GRIN3B: variants seen among roughly 807,000 people sequenced by gnomAD.
GRIN3B encodes glutamate ionotropic receptor NMDA type subunit 3B.
In GRIN3B, 77 loss-of-function variants were observed where a neutral mutation model predicts 66.0. The ratio of observed to expected loss-of-function variants is 1.17; its 90% CI spans 0.97 to 1.41. The LOEUF (loss-of-function observed/expected upper bound fraction) is 1.41. GRIN3B is among the 40% of genes most tolerant of loss of function. The probability of loss-of-function intolerance (pLI) is 0.00; values close to 1 mark genes in which losing one functional copy is unlikely to be tolerated. For synonymous variants in GRIN3B, 823 were observed against 749.7 expected (o/e 1.10, Z -1.60); for missense variants, 1,787 against 1,564.5 (o/e 1.14, Z -2.40).
rs1394508440 is a variant in GRIN3B, at chr19:1,004,935, C to T, written c.1434C>T (p.Gly478=). Reference sequence around the variant, plus strand: ...GTGCCCTGCGCAAGTGCTGCTACGGCTACTGCATTGACCTGCTGGAGCGGC... The same window carrying T: ...GTGCCCTGCGCAAGTGCTGCTACGGTTACTGCATTGACCTGCTGGAGCGGC... The part of the protein sequence containing the change: ...APRALRKCCY[G]YCIDLLERLA... Residue 478 remains glycine (G), a synonymous_variant, in exon 3 of 9, where the codon GGC becomes GGT. Coordinates refer to ENST00000234389, the MANE Select transcript of GRIN3B (RefSeq NM_138690.3). The T allele has an allele frequency of 6.2e-7, 1 of 1,612,204 alleles. No homozygotes were observed. Among genetic ancestry groups the T allele is most frequent in the Non-Finnish European group, 8.5e-7 (1 of 1,179,590 alleles).
chr19:1,000,859 C>A lies in GRIN3B; in HGVS notation c.422C>A (p.Ala141Asp). The change falls in exon 1 of 9, where the codon GCC (alanine) becomes GAC (aspartate). Residue 141 changes from alanine to aspartate, a missense_variant. Physicochemically the swap from Ala to Asp is moderately radical, Grantham distance 126. Coordinates refer to ENST00000234389, the MANE Select transcript of GRIN3B (RefSeq NM_138690.3). ...CGGGAGGCGCGCGCGCCCCTCGGAG[C>A]CCCGGTACGCGGGACGCCCGGAGTC... ...LRREARAPLG[A>D]PNPFHLQLHW... 7.1e-7 allele frequency: 1 copy of A among 1,411,588 alleles called. No individual in the cohort carries two copies. Among genetic ancestry groups the A allele is most frequent in the Non-Finnish European group, 9.2e-7 (1 of 1,087,350 alleles). The allele number at this position is 1,411,588 out of a possible 1,614,324, so 87.4% of individuals were successfully genotyped here.
chr19:1,003,746 TAGG>T (rs1319385564), intron 2 of GRIN3B, 24 bp downstream of exon 2: 9 of 1,376,730 alleles, frequency 6.5e-6, no homozygotes, highest in Admixed American at 3.5e-5. Flanking sequence ...CTGCTTCCCT[TAGG>T]AGGGTGTCCA....
In GRIN3B at chr19:1,004,530, C is replaced by A; in HGVS notation, c.1029C>A (p.Ala343=). The change falls in exon 3 of 9, where the codon GCC becomes GCA. Residue 343 remains alanine, a synonymous_variant. Coordinates refer to ENST00000234389, the MANE Select transcript of GRIN3B (RefSeq NM_138690.3). ...SPGRFLARFL[A]NTSFQGRTGP... is the part of the protein sequence containing the mutation. ...CCCGCCCTGCCCCTAGGTTCCTGGC[C>A]AACACGTCCTTCCAGGGCCGCACGG... 1 of 1,598,450 alleles carries A rather than the reference C, an allele frequency of 6.3e-7. No homozygotes were observed. Among genetic ancestry groups the A allele is most frequent in the South Asian group, 1.1e-5 (1 of 88,664 alleles).
In GRIN3B at chr19:1,009,343, A is replaced by G; in HGVS notation, c.2873A>G (p.Glu958Gly). 7.2e-7 allele frequency: 1 copy of G among 1,394,686 alleles called. No homozygotes were observed. Among genetic ancestry groups the G allele is most frequent in the Middle Eastern group, 2.6e-4 (1 of 3,836 alleles). The allele number at this position is 1,394,686 out of a possible 1,614,324, so 86.4% of individuals were successfully genotyped here. Reference protein sequence around the residue: ...ADAEAEAAPREGPVWLCSYGR... With the variant: ...ADAEAEAAPRGGPVWLCSYGR... Reference sequence around the variant, plus strand: ...GCGGAGGCGGAGGCTGCGCCGCGAGAGGGCCCCGTCTGGCTGTGCTCCTAC... The same window carrying G: ...GCGGAGGCGGAGGCTGCGCCGCGAGGGGGCCCCGTCTGGCTGTGCTCCTAC... Residue 958 changes from glutamate to glycine, a missense_variant, in exon 9 of 9, where the codon GAG becomes GGG. Glu to Gly is a moderately conservative substitution (Grantham distance 98, BLOSUM62 -2). Transcript: ENST00000234389.
rs1039646503 is a variant in GRIN3B, at chr19:1,008,611, C to CTG, written c.2467-7_2467-6insTG. On this transcript the variant is annotated splice_region_variant and splice_polypyrimidine_tract_variant and intron_variant, in intron 6 of 8. Transcript: ENST00000234389. ...ACCGTGCGGGGCTCCTGCTGTGTTG[C>CTG]CCCCAGACCCTGCAGATGAGCATCT... is the stretch of plus-strand genomic sequence containing the variant. 2 of 1,595,148 alleles carry CTG rather than the reference C, an allele frequency of 1.3e-6. No individual in the cohort carries two copies. Among genetic ancestry groups the CTG allele is most frequent in the African/African-American group, 2.7e-5 (2 of 74,828 alleles).
chr19:1,008,228 C>A lies in GRIN3B; in HGVS notation c.2403C>A (p.Asp801Glu), dbSNP rs1163101994. 1 of 1,612,792 alleles carries A rather than the reference C, an allele frequency of 6.2e-7. No individual in the cohort carries two copies. Among genetic ancestry groups the A allele is most frequent in the East Asian group, 2.2e-5 (1 of 44,848 alleles). Residue 801 changes from aspartate to glutamate, a missense_variant, in exon 6 of 9, where the codon GAC becomes GAA. Transcript: ENST00000234389. ...GCTACAAGTCCTCCGGCTTCATCGA[C>A]CTGCTCCACGACAAGTGGTACAAGA... Reference protein sequence around the residue: ...ISRYKSSGFIDLLHDKWYKMV... With the variant: ...ISRYKSSGFIELLHDKWYKMV...
At chr19:1,006,037 T>C (rs72971683) in intron 3 of GRIN3B, among the ~76,000 whole-genome samples, 45,238 of 151,770 alleles carry the variant, frequency 0.3, 7,481 homozygotes, top group Non-Finnish European at 0.38. Context: ...AACACAGAGA[T>C]GGGGGGCTGG....
chr19:1,000,947 T>G, intron 1 of GRIN3B, 84 bp downstream of exon 1: 1 of 1,286,134 alleles, frequency 7.8e-7, no homozygotes, highest in Admixed American at 4.1e-5. Context: ...GGAGTCAGGA[T>G]GGGGGTGCCG....
At position 1,009,238 on chromosome 19, in the gene GRIN3B, G is replaced by A. The variant is rs1246794400; in HGVS notation, c.2768G>A (p.Arg923Gln). Residue 923 changes from arginine to glutamine, a missense_variant, in exon 9 of 9, where the codon CGG becomes CAG. Transcript: ENST00000234389. ...CCAACGGCTCCGGAGGGCTGGAAAC[G>A]GGCGCGCCGGGCCGTGGACAAGGAG... is the stretch of plus-strand genomic sequence containing the variant. The part of the protein sequence containing the change: ...DQPTAPEGWK[R>Q]ARRAVDKERR... 6.2e-6 allele frequency: 9 copies of A among 1,444,034 alleles called. No homozygotes were observed. The highest frequency in any genetic ancestry group is 5.9e-5 in the Admixed American group (2 of 33,962). 89.5% of individuals were successfully genotyped at this position (1,444,034 alleles called of 1,614,324 possible).
intron 1 of GRIN3B, 33 bp downstream of exon 1, chr19:1,000,896 G>T (rs1568388736): frequency 2.2e-6 from 3 of 1,354,428 alleles, no homozygotes; most frequent in Non-Finnish European, 2.8e-6. Context: ...GGACGAGGGG[G>T]ACCCGGGGCG....
chr19:1,002,465 C>CAAAA (rs34464705), intron 1 of GRIN3B, among the ~76,000 whole-genome samples: 1 of 93,522 alleles, frequency 1.1e-5, no homozygotes. Flanking sequence ...GACTCCATCT[C>CAAAA]AAAAAAAAAA....
intron 2 of GRIN3B, among the ~76,000 whole-genome samples, 154 bp downstream of exon 2, chr19:1,003,876 C>T (rs1447560293): frequency 1.3e-5 from 2 of 152,212 alleles, no homozygotes; most frequent in African/African-American, 2.4e-5. Context: ...CACTTGAGCT[C>T]GGGAGTTTGA....
chr19:1,009,000 CG>C, intron 8 of GRIN3B, 73 bp downstream of exon 8: 1 of 1,530,542 alleles, frequency 6.5e-7, no homozygotes, highest in Non-Finnish European at 8.8e-7. Context: ...GCCCCGAAGC[CG>C]GCCGCGGGGT....
At position 1,005,301 on chromosome 19, in the gene GRIN3B, C is replaced by T. The variant is rs773647974; in HGVS notation, c.1800C>T (p.Pro600=). Residue 600 remains proline, a synonymous_variant, in exon 3 of 9, where the codon CCC becomes CCT. Coordinates refer to ENST00000234389, the MANE Select transcript of GRIN3B (RefSeq NM_138690.3). The surrounding 1 kb of genome is among the most constrained non-coding windows in gnomAD (Gnocchi z 5.2). ...LFLTVYEWRS[P]YGLTPRGRNR... is the part of the protein sequence containing the mutation. Reference sequence around the variant, plus strand: ...TCACCGTGTACGAGTGGCGTAGCCCCTACGGCCTCACGCCACGTGGCCGCA... The same window carrying T: ...TCACCGTGTACGAGTGGCGTAGCCCTTACGGCCTCACGCCACGTGGCCGCA... 5 of 1,613,656 alleles carry T rather than the reference C, an allele frequency of 3.1e-6. No individual in the cohort carries two copies. The highest frequency in any genetic ancestry group is 2.2e-5 in the East Asian group (1 of 44,890).
chr19:1,005,268 G>A lies in GRIN3B; in HGVS notation c.1767G>A (p.Ala589=), dbSNP rs369242406. Reference sequence around the variant, plus strand: ...TCTTTGCGGCCCTGCACCTCACCGCGCTCTTCCTCACCGTGTACGAGTGGC... The same window carrying A: ...TCTTTGCGGCCCTGCACCTCACCGCACTCTTCCTCACCGTGTACGAGTGGC... ...LGVFAALHLT[A]LFLTVYEWRS... is the part of the protein sequence containing the mutation. Residue 589 remains alanine, a synonymous_variant, in exon 3 of 9, where the codon GCG becomes GCA. Transcript: ENST00000234389. The surrounding 1 kb of genome is among the most constrained non-coding windows in gnomAD (Gnocchi z 5.2). 67 of 1,613,428 alleles carry A rather than the reference G, an allele frequency of 4.2e-5. No individual in the cohort carries two copies. Among genetic ancestry groups the A allele is most frequent in the East Asian group, 8.9e-5 (4 of 44,884 alleles).
rs1382562010 is a variant in GRIN3B, at chr19:1,009,163, C to G, written c.2703-10C>G. 3 of 1,459,658 alleles carry G rather than the reference C, an allele frequency of 2.1e-6. No individual in the cohort carries two copies. The East Asian group carries it at 7.8e-5, about 38-fold the overall frequency. The allele number at this position is 1,459,658 out of a possible 1,614,324, so 90.4% of individuals were successfully genotyped here. A position where few individuals can be genotyped will look rare whatever the true frequency, so the allele number is the denominator to read the frequency against. ...CCGGCGGACACTGACCAGGCCGGTT[C>G]CGTCCCCAGCGGCCCCGAGGTGGAG... On this transcript the variant is annotated splice_polypyrimidine_tract_variant and intron_variant, in intron 8 of 8. Transcript: ENST00000234389.
Position 1,007,870 on chromosome 19 carries a change from A to T in GRIN3B, c.2213A>T (p.Lys738Met). 1.2e-6 allele frequency: 2 copies of T among 1,607,860 alleles called. No homozygotes were observed. The highest frequency in any genetic ancestry group is 1.7e-6 in the Non-Finnish European group (2 of 1,176,374). Residue 738 changes from lysine (K) to methionine (M), a missense_variant, in exon 5 of 9, where the codon AAG becomes ATG. Transcript: ENST00000234389. This position sits in a 1 kb window ranked among gnomAD's most constrained non-coding sequence, Gnocchi z 4.4. ...GVAMLTSDPP[K>M]LNAFIMDKSL... Reference sequence around the variant, plus strand: ...GGCCCCAGCAGGAGCGACCCCCCCAAGCTCAACGCCTTCATCATGGACAAG... The same window carrying T: ...GGCCCCAGCAGGAGCGACCCCCCCATGCTCAACGCCTTCATCATGGACAAG...
chr19:1,008,824 C>T (rs1444502237), intron 7 of GRIN3B, 33 bp from the exon 8 acceptor site: 2 of 1,590,994 alleles, frequency 1.3e-6, no homozygotes, highest in Non-Finnish European at 8.6e-7. Flanking sequence ...CCCCCCCCGC[C>T]TCCTCGCCAA....
intron 3 of GRIN3B, among the ~76,000 whole-genome samples, chr19:1,006,457 T>A (rs1415499827): frequency 6.6e-6 from 1 of 151,676 alleles, no homozygotes; most frequent in Non-Finnish European, 1.5e-5. Context: ...ATTATTATTA[T>A]TTTTTTTTGA....
Sources: gnomAD v4.1 joint callset for allele counts (sites outside exome capture counted in the v4.1 genomes callset) on GRCh38, gnomAD v4.1.1 for gene constraint, Gnocchi (gnomAD v3.1) non-coding constraint, MANE v1.5 for transcripts, NCBI Gene and HGNC (gene_info 2026-07-23, HGNC 2026-07-21) for gene names.